Variants in NRXN3 observed in about 807,000 individuals in gnomAD.
NRXN3 encodes neurexin III.
A neutral mutation model predicts 137.6 loss-of-function variants in NRXN3; 32 were observed. The observed-to-expected ratio is 0.23, with a 90% CI of 0.18 to 0.31. The LOEUF (loss-of-function observed/expected upper bound fraction) is 0.31. NRXN3 is among the 10% of genes least tolerant of loss of function. NRXN3 has a pLI of 1.00. For missense variants in NRXN3, 1,574 were observed against 2,062.5 expected (o/e 0.76, Z 4.59); for synonymous variants, 798 against 784.5 (o/e 1.02, Z -0.29).
Position 78,714,810 on chromosome 14 carries a change from A to G in NRXN3, c.1715A>G (p.Glu572Gly). The G allele has an allele frequency of 6.2e-7, 1 of 1,614,136 alleles. No homozygotes were observed. The highest frequency in any genetic ancestry group is 8.5e-7 in the Non-Finnish European group (1 of 1,180,012). The part of the protein sequence containing the change: ...RTPFTASGES[E>G]ILDLEGDMYL... Reference sequence around the variant, plus strand: ...CCATTCACCGCCAGTGGGGAGAGCGAGATCCTGGACCTGGAAGGAGACATG... The same window carrying G: ...CCATTCACCGCCAGTGGGGAGAGCGGGATCCTGGACCTGGAAGGAGACATG... The change falls in exon 8 of 21, where the codon GAG (glutamate) becomes GGG (glycine). Residue 572 changes from glutamate (E) to glycine (G), a missense_variant. Coordinates refer to ENST00000335750, the MANE Select transcript of NRXN3 (RefSeq NM_001330195.2).
chr14:79,565,316 CAT>C lies in NRXN3; in HGVS notation c.3444+97915_3444+97916del, dbSNP rs542036554. ...ACATGTGTATATACATATACACACA[CAT>C]GTGTGTGTATATATATATACATATG... On this transcript the variant is annotated intron_variant, in intron 16 of 20. Transcript: ENST00000335750. Among the ~76,000 whole-genome samples, 297 of 119,976 alleles carry C rather than the reference CAT, an allele frequency of 2.5e-3. 3 individuals carry two copies. The highest frequency in any genetic ancestry group is 6.9e-3 in the East Asian group (30 of 4,368). 78.7% of individuals were successfully genotyped at this position (119,976 alleles called of 152,430 possible). A position where few individuals can be genotyped will look rare whatever the true frequency, so the allele number is the denominator to read the frequency against.
At chr14:78,872,232 A>G (rs370498609) in intron 10 of NRXN3, among the ~76,000 whole-genome samples, 1 of 147,108 alleles carries the variant, frequency 6.8e-6, no homozygotes, top group East Asian at 2.1e-4. Context: ...GCTAATAAAT[A>G]TGTATATACA....
intron 14 of NRXN3, among the ~76,000 whole-genome samples, chr14:78,975,779 G>A (rs2099463320): frequency 1.3e-5 from 2 of 152,154 alleles, no homozygotes; most frequent in African/African-American, 2.4e-5. Context: ...CCTGTTTGCT[G>A]CACACACCCT....
intron 10 of NRXN3, among the ~76,000 whole-genome samples, chr14:78,828,703 G>A (rs2098973721): frequency 6.6e-6 from 1 of 152,146 alleles, no homozygotes; most frequent in Admixed American, 6.5e-5. Context: ...CAAACAATAG[G>A]CACATGGAAG....
chr14:79,586,121 T>G (rs1307700875), intron 16 of NRXN3, among the ~76,000 whole-genome samples: 1 of 152,250 alleles, frequency 6.6e-6, no homozygotes, highest in Admixed American at 6.5e-5. Context: ...CTTGGCATTC[T>G]TTGTAACAGA....
intron 15 of NRXN3, among the ~76,000 whole-genome samples, chr14:79,272,216 G>GTTT (rs71131691): frequency 6.0e-5 from 8 of 132,592 alleles, no homozygotes; most frequent in Non-Finnish European, 9.4e-5. Context: ...TTTGGTTTAG[G>GTTT]TTTTTTTTTT....
Position 78,242,968 on chromosome 14 carries a change from C to G in NRXN3, c.-126C>G. The G allele has an allele frequency of 1.5e-6, 1 of 658,820 alleles. No homozygotes were observed. Among genetic ancestry groups the G allele is most frequent in the Non-Finnish European group, 2.6e-6 (1 of 389,724 alleles). The allele number at this position is 658,820 out of a possible 1,614,324, so 40.8% of individuals were successfully genotyped here. ...CAGGATCTGTGTGTGTGCTGCCTTCCTCCTGTGTGCTTTCTGTCCCCCCAT... is the reference window on the plus strand; with the variant it reads ...CAGGATCTGTGTGTGTGCTGCCTTCGTCCTGTGTGCTTTCTGTCCCCCCAT... On this transcript the variant is annotated 5_prime_UTR_variant, in exon 2 of 21. Transcript: ENST00000335750.
chr14:79,587,363 G>T (rs139920951), intron 16 of NRXN3, among the ~76,000 whole-genome samples: 1 of 152,058 alleles, frequency 6.6e-6, no homozygotes, highest in African/African-American at 2.4e-5. Flanking sequence ...GATCTTTGTC[G>T]TTTTCACCAC....
At chr14:79,093,330 T>C (rs749007075) in intron 15 of NRXN3, among the ~76,000 whole-genome samples, 5 of 152,068 alleles carry the variant, frequency 3.3e-5, no homozygotes, top group Non-Finnish European at 7.4e-5. Flanking sequence ...CCAGAAAACG[T>C]AAGTAAGGCA....
intron 15 of NRXN3, among the ~76,000 whole-genome samples, chr14:79,386,901 G>T (rs2094639651): frequency 6.6e-6 from 1 of 152,216 alleles, no homozygotes. Context: ...CTAGCCATAT[G>T]TAGAAAGCTG....
intron 16 of NRXN3, among the ~76,000 whole-genome samples, chr14:79,616,903 T>C (rs566656262): frequency 9.0e-4 from 137 of 152,282 alleles, no homozygotes; most frequent in African/African-American, 3.2e-3. Context: ...CTTAGTTTGT[T>C]ACAGAGCTGA....
At chr14:78,851,938 T>C (rs980536569) in intron 10 of NRXN3, among the ~76,000 whole-genome samples, 2 of 152,182 alleles carry the variant, frequency 1.3e-5, no homozygotes, top group African/African-American at 4.8e-5. Context: ...ACACTTAAAA[T>C]ATAAAGACCT....
chr14:79,819,980 T>C (rs1487181022), intron 20 of NRXN3, among the ~76,000 whole-genome samples: 3 of 152,068 alleles, frequency 2.0e-5, no homozygotes, highest in African/African-American at 4.8e-5. Context: ...AGGTGTGGGC[T>C]GCATTCACCC....
intron 19 of NRXN3, among the ~76,000 whole-genome samples, chr14:79,758,557 C>G (rs1167792219): frequency 6.6e-6 from 1 of 152,196 alleles, no homozygotes; most frequent in Non-Finnish European, 1.5e-5. Context: ...GGCCCTACCT[C>G]CAACATTGGG....
chr14:79,589,573 A>AGAC (rs2097787157), intron 16 of NRXN3, among the ~76,000 whole-genome samples: 1 of 139,154 alleles, frequency 7.2e-6, no homozygotes. Flanking sequence ...AAAAAAAGGA[A>AGAC]TCAAATAAGG....
At chr14:79,023,268 G>T (rs1474516702) in intron 15 of NRXN3, among the ~76,000 whole-genome samples, 4 of 152,078 alleles carry the variant, frequency 2.6e-5, no homozygotes, top group Non-Finnish European at 5.9e-5. Context: ...TTTAGAACTT[G>T]CTGTATGCCC....
intron 20 of NRXN3, chr14:79,853,432 G>A: frequency 2.9e-6 from 1 of 339,422 alleles, no homozygotes; most frequent in East Asian, 9.6e-5. Context: ...AGAAGTTGCA[G>A]CTTAGGGTGT....
intron 19 of NRXN3, chr14:79,760,522 G>T (rs565489972): frequency 6.7e-6 from 1 of 148,310 alleles, no homozygotes; most frequent in Admixed American, 6.7e-5. Context: ...AGAAAAAAGT[G>T]GAAGAGAAAA....
chr14:79,469,276 G>C (rs2096468406), intron 16 of NRXN3, among the ~76,000 whole-genome samples: 1 of 152,088 alleles, frequency 6.6e-6, no homozygotes, highest in Non-Finnish European at 1.5e-5. Flanking sequence ...TAAGAGAGAG[G>C]TTTTCCTATT....
Sources: allele counts gnomAD v4.1 joint callset (sites outside exome capture counted in the v4.1 genomes callset), GRCh38; gene constraint gnomAD v4.1.1; transcripts MANE v1.5; gene names NCBI Gene and HGNC (gene_info 2026-07-23, HGNC 2026-07-21).